LYPLAL1: variants seen among roughly 807,000 people sequenced by gnomAD.
LYPLAL1 encodes the protein lysophospholipase like 1.
Under a neutral mutation model 19.7 loss-of-function variants are expected in LYPLAL1, and 23 were observed. The ratio of observed to expected loss-of-function variants is 1.17; its 90% CI spans 0.84 to 1.65. The LOEUF (loss-of-function observed/expected upper bound fraction) is 1.65. Ranked by LOEUF, LYPLAL1 falls within the 40% of genes most tolerant of loss-of-function variation. The pLI is 0.00. For synonymous variants in LYPLAL1, 119 were observed against 96.3 expected (o/e 1.24, Z -1.38); for missense variants, 355 against 279.4 (o/e 1.27, Z -1.93).
the LYPLAL1 span, among the ~76,000 whole-genome samples, chr1:219,293,491 T>C: frequency 6.6e-6 from 1 of 152,040 alleles, no homozygotes; most frequent in South Asian, 2.1e-4. Context: ...TTTAGTGCAA[T>C]CATATCACTG....
At chr1:219,415,372 T>C in the LYPLAL1 span, among the ~76,000 whole-genome samples, 2 of 152,142 alleles carry the variant, frequency 1.3e-5, no homozygotes, top group Non-Finnish European at 2.9e-5. Context: ...TCATGAAAAG[T>C]GTGAGGACTT....
chr1:219,338,608 G>A, the LYPLAL1 span, among the ~76,000 whole-genome samples: 26 of 150,510 alleles, frequency 1.7e-4, no homozygotes, highest in Non-Finnish European at 3.4e-4. Flanking sequence ...CTGGCACATG[G>A]TACAAAAAAA....
chr1:219,213,905 C>T (rs963967681), downstream of LYPLAL1, among the ~76,000 whole-genome samples: 2 of 152,104 alleles, frequency 1.3e-5, no homozygotes, highest in African/African-American at 4.8e-5. Flanking sequence ...GCATATTACA[C>T]TGGCTAGAAC....
chr1:219,253,052 A>G, the LYPLAL1 span, among the ~76,000 whole-genome samples: 1 of 151,986 alleles, frequency 6.6e-6, no homozygotes, highest in Non-Finnish European at 1.5e-5. Context: ...CACCTCGTCT[A>G]GGTTTTCTAG....
At chr1:219,288,760 GTATATAAGAAATCTCTGTATCTTCT>G in the LYPLAL1 span, among the ~76,000 whole-genome samples, 7 of 152,178 alleles carry the variant, frequency 4.6e-5, no homozygotes, top group Non-Finnish European at 1.0e-4. Context: ...GGAGACAAGA[GTATATAAGAAATCTCTGTATCTTCT>G]TCTCAATGTT....
chr1:219,416,073 T>C, the LYPLAL1 span, among the ~76,000 whole-genome samples: 3 of 152,234 alleles, frequency 2.0e-5, no homozygotes, highest in East Asian at 5.8e-4. Context: ...AGTTCCCATA[T>C]ACTCCACACT....
chr1:219,239,437 C>T, the LYPLAL1 span, among the ~76,000 whole-genome samples: 1 of 152,006 alleles, frequency 6.6e-6, no homozygotes, highest in African/African-American at 2.4e-5. Flanking sequence ...GAAGGGAAGA[C>T]CAGAAATATG....
the LYPLAL1 span, among the ~76,000 whole-genome samples, chr1:219,336,394 C>A: frequency 5.9e-5 from 9 of 151,902 alleles, no homozygotes; most frequent in African/African-American, 2.2e-4. Context: ...GATAATGACA[C>A]CTATTTTATT....
chr1:219,405,143 T>C, the LYPLAL1 span, among the ~76,000 whole-genome samples: 1 of 152,194 alleles, frequency 6.6e-6, no homozygotes, highest in Non-Finnish European at 1.5e-5. Flanking sequence ...TTAAGTGTCA[T>C]TGTACACATT....
At chr1:219,203,905 G>A (rs1299998853) in intron 3 of LYPLAL1, among the ~76,000 whole-genome samples, 1 of 152,148 alleles carries the variant, frequency 6.6e-6, no homozygotes, top group African/African-American at 2.4e-5. Flanking sequence ...GGAATACCAG[G>A]ATGAGTAAAA....
At chr1:219,354,658 C>T in the LYPLAL1 span, among the ~76,000 whole-genome samples, 6 of 152,132 alleles carry the variant, frequency 3.9e-5, no homozygotes, top group African/African-American at 1.2e-4. Flanking sequence ...AGGAAAACAA[C>T]GCATTATGTA....
At chr1:219,425,981 A>G in the LYPLAL1 span, among the ~76,000 whole-genome samples, 2 of 152,226 alleles carry the variant, frequency 1.3e-5, no homozygotes, top group South Asian at 2.1e-4. Flanking sequence ...TGTTGTTCTA[A>G]AGAACCAACT....
the LYPLAL1 span, among the ~76,000 whole-genome samples, chr1:219,296,715 C>T: frequency 2.0e-5 from 3 of 152,072 alleles, no homozygotes; most frequent in Non-Finnish European, 2.9e-5. Context: ...GAAGTAAATC[C>T]ATGCATACTT....
At chr1:219,370,766 A>G in the LYPLAL1 span, among the ~76,000 whole-genome samples, 1 of 152,214 alleles carries the variant, frequency 6.6e-6, no homozygotes, top group Non-Finnish European at 1.5e-5. Context: ...ATAATTTCCA[A>G]TGCCCTGGCA....
At chr1:219,359,006 G>A in the LYPLAL1 span, among the ~76,000 whole-genome samples, 1 of 151,998 alleles carries the variant, frequency 6.6e-6, no homozygotes, top group Non-Finnish European at 1.5e-5. Flanking sequence ...AGAGACATAA[G>A]TTTACTAGAA....
chr1:219,346,179 C>G, the LYPLAL1 span, among the ~76,000 whole-genome samples: 1 of 152,116 alleles, frequency 6.6e-6, no homozygotes, highest in Admixed American at 6.5e-5. Context: ...GATGAGAGAT[C>G]AGTCTCAAAT....
At chr1:219,303,637 T>G in the LYPLAL1 span, among the ~76,000 whole-genome samples, 291 of 152,366 alleles carry the variant, frequency 1.9e-3, no homozygotes, top group Middle Eastern at 6.8e-3. Context: ...TATTGCCATA[T>G]ATTTATTCAA....
chr1:219,440,278 A>C, the LYPLAL1 span, among the ~76,000 whole-genome samples: 1 of 151,990 alleles, frequency 6.6e-6, no homozygotes, highest in Non-Finnish European at 1.5e-5. Flanking sequence ...TGACCTCATG[A>C]TAATTTCTTC....
intron 3 of LYPLAL1, among the ~76,000 whole-genome samples, chr1:219,194,814 CA>C (rs1264316991): frequency 6.6e-6 from 1 of 151,950 alleles, no homozygotes; most frequent in African/African-American, 2.4e-5. Flanking sequence ...TTAAGATGCA[CA>C]AATTATTAAA....
Sources: allele counts gnomAD v4.1 joint callset (sites outside exome capture counted in the v4.1 genomes callset), GRCh38; gene constraint gnomAD v4.1.1; transcripts MANE v1.5; gene names NCBI Gene and HGNC (gene_info 2026-07-23, HGNC 2026-07-21).